Variants in CDKAL1 observed in about 807,000 individuals in gnomAD.
The protein encoded by CDKAL1 is threonylcarbamoyladenosine tRNA methylthiotransferase.
In CDKAL1, 32 loss-of-function variants were observed where a neutral mutation model predicts 68.2. The ratio of observed to expected loss-of-function variants is 0.47; its 90% CI spans 0.35 to 0.63. CDKAL1 has a LOEUF of 0.63. CDKAL1 is among the 30% of genes least tolerant of loss of function. The probability of loss-of-function intolerance (pLI) is 0.00; values close to 1 mark genes in which losing one functional copy is unlikely to be tolerated. For synonymous variants in CDKAL1, 234 were observed against 244.3 expected, an observed-to-expected ratio of 0.96 and a Z score of 0.39; for missense variants, 606 against 696.7, an observed-to-expected ratio of 0.87 and a Z score of 1.47.
chr6:20,638,636 G>C (rs529867173), intron 4 of CDKAL1, among the ~76,000 whole-genome samples: 2 of 149,074 alleles, frequency 1.3e-5, no homozygotes, highest in Middle Eastern at 3.4e-3. Flanking sequence ...TTTTTGAGAC[G>C]GAGTCTCACT....
chr6:21,195,467 G>A (rs1778426657), intron 13 of CDKAL1, among the ~76,000 whole-genome samples: 1 of 145,844 alleles, frequency 6.9e-6, no homozygotes, highest in East Asian at 2.1e-4. Context: ...CTGGCCTCTG[G>A]AGATGTTTTT....
At chr6:20,963,405 C>A (rs1765152296) in intron 10 of CDKAL1, among the ~76,000 whole-genome samples, 1 of 152,066 alleles carries the variant, frequency 6.6e-6, no homozygotes, top group Non-Finnish European at 1.5e-5. Flanking sequence ...GGCCTCAGCC[C>A]CTAATTCCAG....
chr6:20,997,295 A>G (rs1325551235), intron 10 of CDKAL1, among the ~76,000 whole-genome samples: 1 of 152,210 alleles, frequency 6.6e-6, no homozygotes, highest in Non-Finnish European at 1.5e-5. Flanking sequence ...AAGTTGTCCT[A>G]AACTAAGAGT....
At chr6:21,047,082 CT>C (rs1721557111) in intron 11 of CDKAL1, among the ~76,000 whole-genome samples, 2 of 149,844 alleles carry the variant, frequency 1.3e-5, no homozygotes, top group East Asian at 2.0e-4. Flanking sequence ...TCTTAGTTAA[CT>C]GATTTTTTGT....
At chr6:21,126,064 CA>C (rs1201346447) in intron 13 of CDKAL1, among the ~76,000 whole-genome samples, 1 of 152,234 alleles carries the variant, frequency 6.6e-6, no homozygotes, top group Non-Finnish European at 1.5e-5. Flanking sequence ...TTCTCTTACA[CA>C]GGTGCTCTAG....
intron 13 of CDKAL1, among the ~76,000 whole-genome samples, chr6:21,129,415 T>A (rs1775176066): frequency 6.6e-6 from 1 of 151,930 alleles, no homozygotes; most frequent in African/African-American, 2.4e-5. Flanking sequence ...TTAAAACAAG[T>A]CCATTTTGGA....
intron 4 of CDKAL1, among the ~76,000 whole-genome samples, chr6:20,592,468 CTTTT>C (rs34023799): frequency 7.7e-6 from 1 of 130,440 alleles, no homozygotes. Context: ...ATGCTTCCAG[CTTTT>C]TTTTTTTTTT....
At chr6:20,729,384 A>G (rs1441335050) in intron 5 of CDKAL1, among the ~76,000 whole-genome samples, 1 of 152,148 alleles carries the variant, frequency 6.6e-6, no homozygotes, top group Non-Finnish European at 1.5e-5. Context: ...GTCTTATCCA[A>G]CAAAAGTAGT....
rs1350582125 is a variant in CDKAL1, at chr6:20,742,308, A to G, written c.468+2693A>G. Among the ~76,000 whole-genome samples the G allele has an allele frequency of 2.0e-5, 3 of 152,112 alleles. No homozygotes were observed. The East Asian group carries it at 5.8e-4, about 29-fold the overall frequency. On this transcript the variant is annotated intron_variant, in intron 6 of 15. Coordinates refer to ENST00000274695, the MANE Select transcript of CDKAL1 (RefSeq NM_017774.3). ...TTCTTTTGCTGTTTTGTTCTGTCAT[A>G]TAGTCCCATTTTGTTACCACTAGTA... is the stretch of plus-strand genomic sequence containing the variant.
chr6:20,870,313 T>A (rs1489336436), intron 9 of CDKAL1, among the ~76,000 whole-genome samples: 1 of 152,218 alleles, frequency 6.6e-6, no homozygotes, highest in Non-Finnish European at 1.5e-5. Flanking sequence ...ATTTATAAGC[T>A]ACTTTAGTAC....
rs565654688 is a variant in CDKAL1, at chr6:20,778,834, G to T, written c.518-2311G>T. Among the ~76,000 whole-genome samples the T allele has an allele frequency of 9.9e-5, 15 of 152,110 alleles. No homozygotes were observed. In the South Asian group the frequency reaches 2.1e-3, roughly 21 times the overall value. ...TTGAGACTTTTATTTAATTGGACGA[G>T]GCTCATCCATACTGGGAAAACAATT... On this transcript the variant is annotated intron_variant, in intron 7 of 15. Transcript: ENST00000274695.
At chr6:20,819,809 T>G (rs1203515288) in intron 8 of CDKAL1, among the ~76,000 whole-genome samples, 1 of 152,048 alleles carries the variant, frequency 6.6e-6, no homozygotes, top group East Asian at 1.9e-4. Context: ...GTAAATACAG[T>G]GTCAAAAATT....
intron 9 of CDKAL1, among the ~76,000 whole-genome samples, chr6:20,877,853 A>G (rs919615584): frequency 2.6e-5 from 4 of 152,062 alleles, no homozygotes; most frequent in Non-Finnish European, 5.9e-5. Context: ...TAGGCTGGGA[A>G]TTTTGGCCAT....
chr6:20,955,303 A>G, intron 9 of CDKAL1, 116 bp from the exon 10 acceptor site: 1 of 1,037,876 alleles, frequency 9.6e-7, no homozygotes, highest in Non-Finnish European at 1.4e-6. Context: ...GCAATTGAAT[A>G]CCCAGACTGC....
intron 14 of CDKAL1, chr6:21,200,863 G>T (rs935915042): frequency 4.8e-5 from 15 of 310,170 alleles, no homozygotes; most frequent in Non-Finnish European, 6.0e-6. Context: ...AAATGACATT[G>T]AGGGACAATG....
chr6:20,797,240 A>G (rs192673022), intron 8 of CDKAL1, among the ~76,000 whole-genome samples: 19 of 152,358 alleles, frequency 1.2e-4, no homozygotes, highest in Non-Finnish European at 2.6e-4. Context: ...AAAAGGGGAT[A>G]TGCAAATGGA....
chr6:20,693,875 C>CTT (rs751860824), intron 5 of CDKAL1, among the ~76,000 whole-genome samples: 7 of 142,912 alleles, frequency 4.9e-5, no homozygotes, highest in African/African-American at 7.7e-5. Context: ...TTGCCAGCTA[C>CTT]TTTTTTTTTT....
chr6:20,681,328 G>T (rs1770365777), intron 5 of CDKAL1, among the ~76,000 whole-genome samples: 1 of 152,180 alleles, frequency 6.6e-6, no homozygotes, highest in South Asian at 2.1e-4. Flanking sequence ...CTTTCCTGTT[G>T]CTTGTTTTTA....
chr6:21,102,202 A>T (rs1468425481), intron 12 of CDKAL1, among the ~76,000 whole-genome samples: 1 of 152,122 alleles, frequency 6.6e-6, no homozygotes, highest in East Asian at 1.9e-4. Flanking sequence ...TAAAAGCATA[A>T]TCTATCTGTG....
Sources: allele counts gnomAD v4.1 joint callset (sites outside exome capture counted in the v4.1 genomes callset), GRCh38; gene constraint gnomAD v4.1.1; transcripts MANE v1.5; gene names NCBI Gene and HGNC (gene_info 2026-07-23, HGNC 2026-07-21).